RBMS1: variants seen among roughly 807,000 people sequenced by gnomAD.
RBMS1 encodes RNA-binding motif, single-stranded-interacting protein 1.
A neutral mutation model predicts 62.3 loss-of-function variants in RBMS1; 17 were observed. The ratio of observed to expected loss-of-function variants is 0.27; its 90% CI spans 0.19 to 0.41. The LOEUF (loss-of-function observed/expected upper bound fraction) is 0.41, where lower values mean the gene tolerates loss of function less well. Ranked by LOEUF, RBMS1 falls within the 10% of genes least tolerant of loss-of-function variation. The pLI, the probability that RBMS1 is intolerant of heterozygous loss-of-function variation, is 1.00. For synonymous variants in RBMS1, 172 were observed against 170.0 expected (o/e 1.01, Z -0.09); for missense variants, 334 against 504.5 (o/e 0.66, Z 3.24).
chr2:160,493,521 G>GTCCTCCTCCTCCTCCTCCTCTTCC lies in RBMS1; in HGVS notation c.-182_-159dup. 8.0e-6 allele frequency: 5 copies of GTCCTCCTCCTCCTCCTCCTCTTCC among 621,532 alleles called. No individual in the cohort carries two copies. The highest frequency in any genetic ancestry group is 3.8e-4 in the Middle Eastern group (1 of 2,602). The allele number at this position is 621,532 out of a possible 1,614,324, so 38.5% of individuals were successfully genotyped here. A position where few individuals can be genotyped will look rare whatever the true frequency, so the allele number is the denominator to read the frequency against. Reference sequence around the variant, plus strand: ...CTCCACCTCCCAGCCGGGACCAGACGTCCTCCTCCTCCTCCTCCTCTTCCT... The same window carrying GTCCTCCTCCTCCTCCTCCTCTTCC: ...CTCCACCTCCCAGCCGGGACCAGACGTCCTCCTCCTCCTCCTCCTCTTCCTCCTCCTCCTCCTCCTCCTCTTCCT... On this transcript the variant is annotated 5_prime_UTR_variant, in exon 1 of 14. Transcript: ENST00000348849.
intron 4 of RBMS1, among the ~76,000 whole-genome samples, chr2:160,311,177 A>G (rs1689832498): frequency 6.9e-6 from 1 of 144,856 alleles, no homozygotes; most frequent in Non-Finnish European, 1.5e-5. Context: ...CCTGGGTGAC[A>G]GAGTGAGACC....
chr2:160,493,479 T>A lies in RBMS1; in HGVS notation c.-116A>T. ...CGGCAGCGGCGGCGGCGGCGGCGGC[T>A]GCTGCTGCTGCCGCTGCTCCACCTC... On this transcript the variant is annotated 5_prime_UTR_variant, in exon 1 of 14. Transcript: ENST00000348849. 1 of 837,218 alleles carries A rather than the reference T, an allele frequency of 1.2e-6. No homozygotes were observed. The highest frequency in any genetic ancestry group is 1.9e-6 in the Non-Finnish European group (1 of 514,126). 51.9% of individuals were successfully genotyped at this position (837,218 alleles called of 1,614,324 possible).
chr2:160,335,435 C>T (rs1691513470), intron 2 of RBMS1, among the ~76,000 whole-genome samples: 1 of 152,102 alleles, frequency 6.6e-6, no homozygotes, highest in Non-Finnish European at 1.5e-5. Flanking sequence ...CAGCAAACTC[C>T]TAGAGAACTG....
At chr2:160,330,525 C>T (rs1691204542) in intron 2 of RBMS1, among the ~76,000 whole-genome samples, 1 of 151,842 alleles carries the variant, frequency 6.6e-6, no homozygotes, top group Non-Finnish European at 1.5e-5. Context: ...ATAACATTCA[C>T]TAGGGAAAAA....
chr2:160,314,329 G>T (rs1260750105), intron 3 of RBMS1, among the ~76,000 whole-genome samples: 2 of 152,100 alleles, frequency 1.3e-5, no homozygotes, highest in African/African-American at 4.8e-5. Context: ...CAAAATACCA[G>T]AGCCTTCCAT....
chr2:160,407,939 G>GCACCGCCTCGCGCCGCGCCCAGGCC, intron 1 of RBMS1: 1 of 979,256 alleles, frequency 1.0e-6, no homozygotes, highest in South Asian at 4.7e-5. Context: ...AGGCGGCAGC[G>GCACCGCCTCGCGCCGCGCCCAGGCC]CACCGCCTCG....
chr2:160,294,459 A>G (rs1688835663), intron 6 of RBMS1, among the ~76,000 whole-genome samples: 1 of 152,162 alleles, frequency 6.6e-6, no homozygotes. Context: ...GTATGGAAAG[A>G]ATATGGTGGC....
intron 1 of RBMS1, among the ~76,000 whole-genome samples, chr2:160,470,019 A>G (rs1409773258): frequency 6.6e-6 from 1 of 152,236 alleles, no homozygotes; most frequent in African/African-American, 2.4e-5. Flanking sequence ...CCAAGACAGT[A>G]AAACTGCACA....
Position 160,277,390 on chromosome 2 carries a change from A to T in RBMS1, c.1063-7T>A. 1 of 1,606,968 alleles carries T rather than the reference A, an allele frequency of 6.2e-7. No individual in the cohort carries two copies. ...CTGACGTTGCAGGCATGTACTAGAA[A>T]GAAGAATGAGGTCAGAATGGGCAAT... On this transcript the variant is annotated splice_region_variant and splice_polypyrimidine_tract_variant and intron_variant, in intron 11 of 13. Coordinates refer to ENST00000348849, the MANE Select transcript of RBMS1 (RefSeq NM_016836.4).
At chr2:160,297,255 AATTTC>A (rs1688985713) in intron 6 of RBMS1, among the ~76,000 whole-genome samples, 1 of 152,130 alleles carries the variant, frequency 6.6e-6, no homozygotes. Flanking sequence ...CCATTTTAAC[AATTTC>A]ATTACCTCCC....
chr2:160,302,504 T>TTTTA lies in RBMS1; in HGVS notation c.560+822_560+825dup, dbSNP rs1198698594. On this transcript the variant is annotated intron_variant, in intron 5 of 13. Coordinates refer to ENST00000348849, the MANE Select transcript of RBMS1 (RefSeq NM_016836.4). ...ACCACTGCATGCGGCCCCTAGAAGA[T>TTTTA]TTTATTTATTTATTTATTTATTTTA... 77 of 151,660 alleles carry TTTTA rather than the reference T, an allele frequency of 5.1e-4. 1 individual carries two copies. The highest frequency in any genetic ancestry group is 1.5e-3 in the African/African-American group (63 of 41,206). The allele number at this position is 151,660 out of a possible 1,614,324, so 9.4% of individuals were successfully genotyped here.
chr2:160,407,368 C>G (rs1217164520), intron 1 of RBMS1: 5 of 985,680 alleles, frequency 5.1e-6, no homozygotes, highest in African/African-American at 1.7e-5. Context: ...CACCGCCCAG[C>G]CGGTCCCTCC....
chr2:160,276,853 G>A (rs1409245987), intron 12 of RBMS1, among the ~76,000 whole-genome samples: 1 of 152,164 alleles, frequency 6.6e-6, no homozygotes, highest in Non-Finnish European at 1.5e-5. Flanking sequence ...CAGAACGTCC[G>A]AGGGGTATGA....
intron 1 of RBMS1, 142 bp downstream of exon 1, chr2:160,493,147 C>A (rs1294215058): frequency 4.9e-6 from 4 of 812,006 alleles, no homozygotes; most frequent in Non-Finnish European, 5.7e-6. Context: ...TCTGCCCAGG[C>A]CAGCGCTATA....
intron 2 of RBMS1, among the ~76,000 whole-genome samples, chr2:160,347,978 T>C (rs937230029): frequency 6.6e-6 from 1 of 152,116 alleles, no homozygotes; most frequent in Admixed American, 6.6e-5. Flanking sequence ...GTCTAATGCA[T>C]GGAAAATAGG....
intron 1 of RBMS1, chr2:160,407,478 G>A (rs1695805189): frequency 1.0e-6 from 1 of 986,162 alleles, no homozygotes; most frequent in Non-Finnish European, 1.2e-6. Flanking sequence ...TTGCGATAGG[G>A]CGTCCGGCAG....
At chr2:160,333,382 C>T (rs148798489) in intron 2 of RBMS1, among the ~76,000 whole-genome samples, 1 of 152,282 alleles carries the variant, frequency 6.6e-6, no homozygotes, top group Non-Finnish European at 1.5e-5. Context: ...CTTAACTGCT[C>T]AGAGCTCAAC....
intron 1 of RBMS1, among the ~76,000 whole-genome samples, chr2:160,468,013 T>G (rs982073870): frequency 9.2e-5 from 14 of 152,148 alleles, no homozygotes; most frequent in African/African-American, 3.4e-4. Context: ...ATTGGTAGTG[T>G]CCCTGAATGG....
chr2:160,419,657 T>G (rs1461034263), intron 1 of RBMS1, among the ~76,000 whole-genome samples: 2 of 152,206 alleles, frequency 1.3e-5, no homozygotes, highest in Admixed American at 1.3e-4. Context: ...ACTTGTGAGG[T>G]TGATTCAGAG....
Sources: allele counts gnomAD v4.1 joint callset (sites outside exome capture counted in the v4.1 genomes callset), GRCh38; gene constraint gnomAD v4.1.1; transcripts MANE v1.5; gene names NCBI Gene and HGNC (gene_info 2026-07-23, HGNC 2026-07-21).